The following NECAB1 variants were observed in gnomAD, a reference collection of about 807,000 sequenced individuals.
NECAB1 encodes the protein N-terminal EF-hand calcium binding protein 1.
In NECAB1, 29 loss-of-function variants were observed where a neutral mutation model predicts 57.5. The ratio of observed to expected loss-of-function variants is 0.50; its 90% CI spans 0.38 to 0.69. The LOEUF (loss-of-function observed/expected upper bound fraction) is 0.69. Among genes scored for constraint, NECAB1 ranks in the 30% least tolerant of loss-of-function variants. The pLI is 0.00. For missense variants in NECAB1, 372 were observed against 413.8 expected, an observed-to-expected ratio of 0.90 and a Z score of 0.88; for synonymous variants, 142 against 147.7, an observed-to-expected ratio of 0.96 and a Z score of 0.28.
Position 90,824,791 on chromosome 8 carries a change from G to A in NECAB1, c.199G>A (p.Glu67Lys), listed in dbSNP as rs373702217. The change falls in exon 3 of 13, where the codon GAG becomes AAG. Residue 67 changes from glutamate to lysine, a missense_variant. Physicochemically the swap from Glu to Lys is moderately conservative, Grantham distance 56. Transcript: ENST00000417640. ...DGVLSGEELH[E>K]LFHTIDTHNT... is the part of the protein sequence containing the mutation. ...TGTTCTCAGTGGAGAAGAATTACAC[G>A]AGCTTTTCCATACCATTGATACACA... The A allele has an allele frequency of 4.5e-6, 7 of 1,549,936 alleles. No individual in the cohort carries two copies. The highest frequency in any genetic ancestry group is 2.7e-5 in the African/African-American group (2 of 73,182).
chr8:90,834,188 AGAT>A (rs1812334056), intron 3 of NECAB1, among the ~76,000 whole-genome samples: 2 of 148,280 alleles, frequency 1.3e-5, no homozygotes, highest in Non-Finnish European at 3.0e-5. Flanking sequence ...AAAAAAAAAA[AGAT>A]TTCAGAATTT....
intron 3 of NECAB1, among the ~76,000 whole-genome samples, chr8:90,855,495 T>A (rs991725702): frequency 6.6e-6 from 1 of 152,204 alleles, no homozygotes; most frequent in African/African-American, 2.4e-5. Flanking sequence ...ATTGGAACTT[T>A]GGGTCACATA....
intron 2 of NECAB1, among the ~76,000 whole-genome samples, chr8:90,804,875 T>A (rs1411091597): frequency 6.6e-6 from 1 of 152,216 alleles, no homozygotes; most frequent in East Asian, 1.9e-4. Flanking sequence ...CCATGTCATG[T>A]GGTAATTATG....
In NECAB1 at chr8:90,924,197, T is replaced by A. The variant is rs371087402; in HGVS notation, c.495-1338T>A. On this transcript the variant is annotated intron_variant, in intron 6 of 12. Transcript: ENST00000417640. The stretch of plus-strand genomic sequence containing the variant: ...TATAGAACACAATGGAGCAAATTTT[T>A]CAAAACAATTGGCAATCTAGAAATC... Among the ~76,000 whole-genome samples, 3 of 152,280 alleles carry A rather than the reference T, an allele frequency of 2.0e-5. No individual in the cohort carries two copies. In the South Asian group the frequency reaches 6.2e-4, roughly 32 times the overall value.
chr8:90,875,797 G>T (rs1399969404), intron 4 of NECAB1, among the ~76,000 whole-genome samples: 1 of 146,718 alleles, frequency 6.8e-6, no homozygotes, highest in South Asian at 2.1e-4. Flanking sequence ...TGGATCACGA[G>T]ATCAGGAGAT....
intron 5 of NECAB1, among the ~76,000 whole-genome samples, chr8:90,886,003 T>G (rs1435255362): frequency 6.6e-6 from 1 of 152,206 alleles, no homozygotes; most frequent in East Asian, 1.9e-4. Context: ...GAAATCATAA[T>G]TAAATCCTGA....
chr8:90,914,084 G>T (rs143717279), intron 5 of NECAB1, among the ~76,000 whole-genome samples: 99 of 152,264 alleles, frequency 6.5e-4, no homozygotes, highest in African/African-American at 1.9e-3. Flanking sequence ...CTCTCCATGT[G>T]GGACCCGGTT....
At chr8:90,832,255 A>G (rs932633126) in intron 3 of NECAB1, among the ~76,000 whole-genome samples, 4 of 152,178 alleles carry the variant, frequency 2.6e-5, no homozygotes, top group Non-Finnish European at 4.4e-5. Flanking sequence ...CTAGGAAGGC[A>G]TTTCACTGGC....
chr8:90,922,045 C>G (rs1482120818), intron 6 of NECAB1, among the ~76,000 whole-genome samples: 2 of 152,246 alleles, frequency 1.3e-5, no homozygotes, highest in Non-Finnish European at 2.9e-5. Context: ...TCTGCCCTGG[C>G]AAACTGACTA....
At position 90,890,075 on chromosome 8, in the gene NECAB1, G is replaced by C. The variant is rs1211631320; in HGVS notation, c.357+8945G>C. 2.0e-5 allele frequency among the ~76,000 whole-genome samples: 3 copies of C among 152,028 alleles called. No homozygotes were observed. The East Asian group carries it at 5.8e-4, about 29-fold the overall frequency. The stretch of plus-strand genomic sequence containing the variant: ...AAATCAAATTGATTTTTGAAACTCT[G>C]ACATACATGCCTATCCCTTATATTA... On this transcript the variant is annotated intron_variant, in intron 5 of 12. Transcript: ENST00000417640.
intron 5 of NECAB1, among the ~76,000 whole-genome samples, chr8:90,907,557 A>G (rs1258011876): frequency 6.6e-6 from 1 of 152,190 alleles, no homozygotes; most frequent in Non-Finnish European, 1.5e-5. Flanking sequence ...GTATTTCACT[A>G]TTTCTAGGAT....
intron 1 of NECAB1, among the ~76,000 whole-genome samples, chr8:90,799,969 CTA>C: frequency 6.6e-6 from 1 of 152,248 alleles, no homozygotes; most frequent in South Asian, 2.1e-4. Flanking sequence ...TTTCTGTCAT[CTA>C]TGATTTCTTT....
chr8:90,866,145 G>C (rs913606410), intron 3 of NECAB1, among the ~76,000 whole-genome samples: 2 of 152,162 alleles, frequency 1.3e-5, no homozygotes, highest in Non-Finnish European at 2.9e-5. Context: ...TAGTGTGCCA[G>C]AACCAGCTCA....
chr8:90,810,658 G>T (rs1247577040), intron 2 of NECAB1, among the ~76,000 whole-genome samples: 1 of 152,154 alleles, frequency 6.6e-6, no homozygotes, highest in East Asian at 1.9e-4. Context: ...AGGTTCTAAA[G>T]ATATGATTTC....
Position 90,907,147 on chromosome 8 carries a change from T to TGAGAGAGAGAGAGA in NECAB1, c.358-10344_358-10343insAGAGAGAGAGAGAG, listed in dbSNP as rs1310639488. ...TTGTGTGTGTGTGTGTGTGTGTGTG[T>TGAGAGAGAGAGAGA]GTGTGAGAGAGAGAGAGAGAGAGAG... On this transcript the variant is annotated intron_variant, in intron 5 of 12. Transcript: ENST00000417640. Among the ~76,000 whole-genome samples, 142 of 106,574 alleles carry TGAGAGAGAGAGAGA rather than the reference T, an allele frequency of 1.3e-3. 1 individual carries two copies. Among genetic ancestry groups the TGAGAGAGAGAGAGA allele is most frequent in the African/African-American group, 5.6e-3 (128 of 22,994 alleles). The allele number at this position is 106,574 out of a possible 152,430, so 69.9% of individuals were successfully genotyped here. A position where few individuals can be genotyped will look rare whatever the true frequency, so the allele number is the denominator to read the frequency against.
intron 3 of NECAB1, among the ~76,000 whole-genome samples, chr8:90,827,648 G>T (rs981840957): frequency 6.6e-6 from 1 of 151,882 alleles, no homozygotes; most frequent in Admixed American, 6.6e-5. Flanking sequence ...AGAATATTTG[G>T]AAAGAAAGAA....
intron 9 of NECAB1, among the ~76,000 whole-genome samples, chr8:90,938,855 T>C (rs1810602413): frequency 6.6e-6 from 1 of 152,198 alleles, no homozygotes; most frequent in Non-Finnish European, 1.5e-5. Context: ...TAACCACAAT[T>C]TTGCAGGTAG....
At position 90,916,020 on chromosome 8, in the gene NECAB1, A is replaced by C. The variant is rs113931363; in HGVS notation, c.358-1472A>C. ...AGGGTGGGTCTGCCCCTCCTAGTCC[A>C]CTGACTCAAATGTTAATCTCCTTTG... On this transcript the variant is annotated intron_variant, in intron 5 of 12. Coordinates refer to ENST00000417640, the MANE Select transcript of NECAB1 (RefSeq NM_022351.5). Among the ~76,000 whole-genome samples, 481 of 152,212 alleles carry C rather than the reference A, an allele frequency of 3.2e-3. 2 individuals are homozygous for C. The highest frequency in any genetic ancestry group is 0.011 in the African/African-American group (462 of 41,546).
chr8:90,801,673 T>C lies in NECAB1; in HGVS notation c.100-18T>C, dbSNP rs544625523. 19 of 1,504,794 alleles carry C rather than the reference T, an allele frequency of 1.3e-5. No individual in the cohort carries two copies. In the South Asian group the frequency reaches 2.3e-4, roughly 18 times the overall value. The allele number at this position is 1,504,794 out of a possible 1,614,324, so 93.2% of individuals were successfully genotyped here. A position where few individuals can be genotyped will look rare whatever the true frequency, so the allele number is the denominator to read the frequency against. On this transcript the variant is annotated intron_variant, in intron 1 of 12. Transcript: ENST00000417640. ...TTATCTAAAATGCTGATAAAATTTT[T>C]TCCTTTTTCCTTTCCAGATACTGAG...
Sources: gnomAD v4.1 joint callset for allele counts (sites outside exome capture counted in the v4.1 genomes callset) on GRCh38, gnomAD v4.1.1 for gene constraint, MANE v1.5 for transcripts, NCBI Gene and HGNC (gene_info 2026-07-23, HGNC 2026-07-21) for gene names.